Variants in CACNA1E observed in about 807,000 individuals in gnomAD.
CACNA1E encodes calcium voltage-gated channel subunit alpha1 E, also known as voltage-dependent R-type calcium channel subunit alpha-1E.
Under a neutral mutation model 259.2 loss-of-function variants are expected in CACNA1E, and 40 were observed. The ratio of observed to expected loss-of-function variants is 0.15; its 90% CI spans 0.12 to 0.20. The LOEUF (loss-of-function observed/expected upper bound fraction) is 0.20, where lower values mean the gene tolerates loss of function less well. CACNA1E is among the 10% of genes least tolerant of loss of function. CACNA1E has a pLI of 1.00. For missense variants in CACNA1E, 1,874 were observed against 3,040.1 expected (o/e 0.62, Z 9.02); for synonymous variants, 1,104 against 1,138.5 (o/e 0.97, Z 0.61).
At chr1:181,473,458 T>C (rs1354603916) in intron 2 of CACNA1E, among the ~76,000 whole-genome samples, 1 of 152,240 alleles carries the variant, frequency 6.6e-6, no homozygotes, top group African/African-American at 2.4e-5. Context: ...TCTGGGATAT[T>C]GCAATGCAAA....
At chr1:181,328,238 T>TG (rs1650952780) in intron 1 of CACNA1E, among the ~76,000 whole-genome samples, 2 of 152,112 alleles carry the variant, frequency 1.3e-5, no homozygotes, top group Non-Finnish European at 2.9e-5. Flanking sequence ...TCTCGCTGTG[T>TG]CCTCACATGG....
intron 47 of CACNA1E, 123 bp downstream of exon 47, chr1:181,796,981 A>G: frequency 1.5e-6 from 1 of 654,148 alleles, no homozygotes; most frequent in Non-Finnish European, 2.6e-6. Flanking sequence ...GGAATTTCAC[A>G]GGAAGCTATA....
chr1:181,553,546 A>AG (rs1322200980), intron 3 of CACNA1E, among the ~76,000 whole-genome samples: 2 of 152,154 alleles, frequency 1.3e-5, no homozygotes, highest in African/African-American at 4.8e-5. Flanking sequence ...TATGTTGAAT[A>AG]GGAGTAGTGA....
upstream of CACNA1E, among the ~76,000 whole-genome samples, chr1:181,479,477 AG>A (rs1183635971): frequency 5.3e-5 from 8 of 152,210 alleles, no homozygotes; most frequent in Admixed American, 5.2e-4. Context: ...GATCCTTAAT[AG>A]GACAGTGGAA....
At chr1:181,380,129 C>T (rs948572900) in intron 1 of CACNA1E, among the ~76,000 whole-genome samples, 4 of 150,774 alleles carry the variant, frequency 2.7e-5, no homozygotes, top group Admixed American at 1.3e-4. Context: ...TAGAACAATA[C>T]AAAATATTCA....
At chr1:181,658,627 T>A (rs1659402035) in intron 7 of CACNA1E, among the ~76,000 whole-genome samples, 1 of 152,156 alleles carries the variant, frequency 6.6e-6, no homozygotes, top group Non-Finnish European at 1.5e-5. Context: ...GTTCGATTGA[T>A]CCAGCTGTCG....
intron 3 of CACNA1E, among the ~76,000 whole-genome samples, chr1:181,565,154 C>T (rs1649693684): frequency 2.6e-5 from 4 of 152,134 alleles, no homozygotes; most frequent in Non-Finnish European, 5.9e-5. Flanking sequence ...ACCAGTTTTA[C>T]CATCTTTCAC....
intron 1 of CACNA1E, among the ~76,000 whole-genome samples, chr1:181,364,705 C>T (rs2609471): frequency 0.015 from 2,334 of 152,190 alleles, 55 homozygotes; most frequent in African/African-American, 0.051. Context: ...GACAGAATTC[C>T]GAGTGGAGCA....
intron 38 of CACNA1E, 110 bp from the exon 39 acceptor site, chr1:181,781,317 T>G: frequency 3.0e-6 from 2 of 667,140 alleles, no homozygotes; most frequent in Non-Finnish European, 5.6e-6. Context: ...GGAATGCCTA[T>G]TCTCCTCTCC....
intron 3 of CACNA1E, among the ~76,000 whole-genome samples, chr1:181,559,028 T>C (rs1322308916): frequency 6.6e-6 from 1 of 151,344 alleles, no homozygotes; most frequent in African/African-American, 2.4e-5. Context: ...AGCTCCAAAT[T>C]GAAGGACTAG....
chr1:181,327,419 A>G (rs1218226254), intron 1 of CACNA1E, among the ~76,000 whole-genome samples: 1 of 152,228 alleles, frequency 6.6e-6, no homozygotes, highest in African/African-American at 2.4e-5. Context: ...CTGTGTAGAA[A>G]GTGTTGCCAT....
At chr1:181,344,366 A>T (rs756391566) in intron 1 of CACNA1E, among the ~76,000 whole-genome samples, 1 of 152,158 alleles carries the variant, frequency 6.6e-6, no homozygotes, top group Non-Finnish European at 1.5e-5. Context: ...TGCTACTTCT[A>T]CAAGGATCCT....
chr1:181,445,751 T>C (rs1242871689), intron 2 of CACNA1E, among the ~76,000 whole-genome samples: 1 of 152,216 alleles, frequency 6.6e-6, no homozygotes, highest in Non-Finnish European at 1.5e-5. Context: ...ACAGATCTGG[T>C]CTCAAGCTCA....
At chr1:181,435,593 A>C (rs998709538) in intron 2 of CACNA1E, among the ~76,000 whole-genome samples, 1 of 152,104 alleles carries the variant, frequency 6.6e-6, no homozygotes, top group Non-Finnish European at 1.5e-5. Context: ...TGACCACTCT[A>C]TTTCATTGTA....
chr1:181,607,506 C>CGGTA (rs1202708929), intron 6 of CACNA1E, among the ~76,000 whole-genome samples: 1 of 152,152 alleles, frequency 6.6e-6, no homozygotes, highest in Non-Finnish European at 1.5e-5. Flanking sequence ...CCAGCGTGTG[C>CGGTA]GGTAGCCTGA....
At chr1:181,373,537 C>CTTTTTTTT (rs5779097) in intron 1 of CACNA1E, among the ~76,000 whole-genome samples, 2 of 120,926 alleles carry the variant, frequency 1.7e-5, no homozygotes, top group African/African-American at 6.3e-5. Flanking sequence ...TCTTTTCTTT[C>CTTTTTTTT]TTTTTTTTTT....
At chr1:181,650,857 G>C (rs1307496203) in intron 6 of CACNA1E, among the ~76,000 whole-genome samples, 8 of 152,186 alleles carry the variant, frequency 5.3e-5, no homozygotes, top group African/African-American at 1.9e-4. Context: ...AGCTGAGCGT[G>C]GGTCAAGGGC....
chr1:181,551,296 C>G (rs963635633), intron 3 of CACNA1E, among the ~76,000 whole-genome samples: 36 of 152,182 alleles, frequency 2.4e-4, no homozygotes, highest in Admixed American at 2.4e-3. Flanking sequence ...GGGCCTCCCC[C>G]TGCTTGGATT....
At chr1:181,440,513 T>G (rs1660389854) in intron 2 of CACNA1E, among the ~76,000 whole-genome samples, 1 of 151,714 alleles carries the variant, frequency 6.6e-6, no homozygotes, top group South Asian at 2.1e-4. Context: ...TCCCCCAAAT[T>G]TGGGGGAGTG....
Sources: gnomAD v4.1 joint callset for allele counts (sites outside exome capture counted in the v4.1 genomes callset) on GRCh38, gnomAD v4.1.1 for gene constraint, MANE v1.5 for transcripts, NCBI Gene and HGNC (gene_info 2026-07-23, HGNC 2026-07-21) for gene names.